The following TRNT1 variants were observed in gnomAD, a reference collection of about 807,000 sequenced individuals.
TRNT1 encodes tRNA nucleotidyl transferase 1.
Under a neutral mutation model 45.6 loss-of-function variants are expected in TRNT1, and 44 were observed. The ratio of observed to expected loss-of-function variants is 0.97; its 90% confidence interval spans 0.76 to 1.24. The LOEUF is 1.24. Ranked by LOEUF, TRNT1 falls within the 50% of genes most tolerant of loss-of-function variation. The pLI is 0.00. For missense variants in TRNT1, 633 were observed against 504.4 expected, an observed-to-expected ratio of 1.25 and a Z score of -2.44; for synonymous variants, 201 against 171.4, an observed-to-expected ratio of 1.17 and a Z score of -1.35.
At position 3,137,268 on chromosome 3, in the gene TRNT1, G is replaced by A; in HGVS notation, c.157G>A (p.Val53Ile). The change falls in exon 3 of 8, where the codon GTC becomes ATC. Residue 53 changes from valine to isoleucine, a missense_variant. Val to Ile is a conservative substitution (Grantham distance 29, BLOSUM62 3). Transcript: ENST00000251607. ...ATTTTCTCTCATCTCAGAATTATTTGTCAAAGAGAATCACGAATTAAGAAT... is the reference window on the plus strand; with the variant it reads ...ATTTTCTCTCATCTCAGAATTATTTATCAAAGAGAATCACGAATTAAGAAT... ...EGLKSLTELF[V>I]KENHELRIAG... 6.3e-6 allele frequency: 10 copies of A among 1,586,820 alleles called. No individual in the cohort carries two copies. Among genetic ancestry groups the A allele is most frequent in the Non-Finnish European group, 8.5e-6 (10 of 1,170,184 alleles).
chr3:3,131,143 C>T (rs1370224303), intron 2 of TRNT1: 1 of 151,904 alleles, frequency 6.6e-6, no homozygotes, highest in East Asian at 1.9e-4. Flanking sequence ...GTCTGGCATG[C>T]ATTTAATACA....
intron 1 of TRNT1, 146 bp from the exon 2 acceptor site, chr3:3,128,868 C>A (rs963456215): frequency 1.6e-6 from 1 of 618,930 alleles, no homozygotes; most frequent in Non-Finnish European, 2.8e-6. Flanking sequence ...TAGTCGTAAT[C>A]CCTCAAACTG....
chr3:3,144,709 A>C lies in TRNT1; in HGVS notation c.607A>C (p.Arg203=), dbSNP rs1559227711. ...EDYLRILRYF[R]FYGRIVDKPG... is the part of the protein sequence containing the mutation. ...TTATCTTAGAATTTTAAGATACTTC[A>C]GGTAAGAATTTTTAAAAATAAAAAA... Residue 203 remains arginine (R), a splice_region_variant and synonymous_variant, in exon 5 of 8, where the codon AGG becomes CGG. Coordinates refer to ENST00000251607, the MANE Select transcript of TRNT1 (RefSeq NM_182916.3). The C allele has an allele frequency of 6.5e-7, 1 of 1,528,034 alleles. No homozygotes were observed. Among genetic ancestry groups the C allele is most frequent in the Non-Finnish European group, 8.9e-7 (1 of 1,128,944 alleles). 94.7% of individuals were successfully genotyped at this position (1,528,034 alleles called of 1,614,324 possible). A position where few individuals can be genotyped will look rare whatever the true frequency, so the allele number is the denominator to read the frequency against.
At chr3:3,153,300 A>G (rs1326786355), downstream of TRNT1, 4 of 654,524 alleles carry the variant, frequency 6.1e-6, no homozygotes, top group Non-Finnish European at 8.4e-6. Flanking sequence ...CTAATTCCCT[A>G]TATTTCATTT....
chr3:3,137,226 T>C (rs1365089689), intron 2 of TRNT1, 34 bp from the exon 3 acceptor site: 5 of 1,527,842 alleles, frequency 3.3e-6, no homozygotes, highest in Non-Finnish European at 4.4e-6. Flanking sequence ...AATAAAGAAC[T>C]TGGGAATAAA....
At chr3:3,152,894 T>C (rs117672302), downstream of TRNT1, 2,287 of 412,718 alleles carry the variant, frequency 5.5e-3, 115 homozygotes, top group Admixed American at 0.075. Flanking sequence ...TCTAAAGGAG[T>C]CTGAGAGTGT....
intron 2 of TRNT1, chr3:3,129,424 C>T (rs1704857927): frequency 1.5e-5 from 7 of 454,048 alleles, no homozygotes; most frequent in East Asian, 4.2e-5. Flanking sequence ...CCAATGTGCA[C>T]GTTTTCATTG....
chr3:3,126,971 C>CGG lies in TRNT1; in HGVS notation c.-47_-46insGG. ...GAAGTGCGCGTGGCGGCGGTGGCGG[C>CGG]TGCGGCAACAGCGGGGCCGGTAAGC... On this transcript the variant is annotated 5_prime_UTR_variant, in exon 1 of 8. Transcript: ENST00000251607. 6.5e-6 allele frequency: 1 copy of CGG among 152,988 alleles called. No homozygotes were observed. Among genetic ancestry groups the CGG allele is most frequent in the Non-Finnish European group, 1.5e-5 (1 of 68,668 alleles). The allele number at this position is 152,988 out of a possible 1,614,324, so 9.5% of individuals were successfully genotyped here. A position where few individuals can be genotyped will look rare whatever the true frequency, so the allele number is the denominator to read the frequency against.
chr3:3,142,969 G>C (rs1705826), intron 4 of TRNT1, among the ~76,000 whole-genome samples: 78,652 of 152,114 alleles, frequency 0.52, 22,296 homozygotes, highest in Middle Eastern at 0.7. Context: ...TTAACAGCTT[G>C]GAAAGAGTTA....
Position 3,126,956 on chromosome 3 carries a change from T to G in TRNT1, c.-62T>G, listed in dbSNP as rs923301252. ...GCGTTCACCAGCCCGGAAGTGCGCG[T>G]GGCGGCGGTGGCGGCTGCGGCAACA... On this transcript the variant is annotated 5_prime_UTR_variant, in exon 1 of 8. Coordinates refer to ENST00000251607, the MANE Select transcript of TRNT1 (RefSeq NM_182916.3). 6.5e-6 allele frequency: 1 copy of G among 152,736 alleles called. No individual in the cohort carries two copies. Among genetic ancestry groups the G allele is most frequent in the Non-Finnish European group, 1.5e-5 (1 of 68,482 alleles). The allele number at this position is 152,736 out of a possible 1,614,324, so 9.5% of individuals were successfully genotyped here. A position where few individuals can be genotyped will look rare whatever the true frequency, so the allele number is the denominator to read the frequency against.
At chr3:3,139,079 AT>A (rs988369312) in intron 3 of TRNT1, among the ~76,000 whole-genome samples, 1 of 152,100 alleles carries the variant, frequency 6.6e-6, no homozygotes, top group African/African-American at 2.4e-5. Context: ...GGTCATGTTA[AT>A]TTTCACTTGA....
intron 2 of TRNT1, among the ~76,000 whole-genome samples, chr3:3,134,618 G>A (rs1010017039): frequency 6.6e-5 from 10 of 152,054 alleles, no homozygotes; most frequent in African/African-American, 7.2e-5. Context: ...TCAAGTGAAC[G>A]TAAAACTTGT....
intron 5 of TRNT1, 130 bp downstream of exon 5, chr3:3,144,840 C>CAGA: frequency 1.1e-6 from 1 of 883,390 alleles, no homozygotes; most frequent in Non-Finnish European, 1.6e-6. Context: ...CCAGTGGAGA[C>CAGA]CTAGCACCCT....
At chr3:3,142,696 T>G (rs917428327) in intron 4 of TRNT1, among the ~76,000 whole-genome samples, 2 of 152,202 alleles carry the variant, frequency 1.3e-5, no homozygotes, top group Non-Finnish European at 2.9e-5. Flanking sequence ...TATTTTTGCT[T>G]TGATCATATT....
intron 4 of TRNT1, among the ~76,000 whole-genome samples, chr3:3,141,845 CAG>C (rs1575057110): frequency 6.6e-6 from 1 of 152,286 alleles, no homozygotes; most frequent in Non-Finnish European, 1.5e-5. Context: ...ACAGTAATGA[CAG>C]ATACAATTTC....
chr3:3,140,582 G>C lies in TRNT1; in HGVS notation c.415G>C (p.Glu139Gln). The C allele has an allele frequency of 6.8e-6, 11 of 1,614,172 alleles. No individual in the cohort carries two copies. Among genetic ancestry groups the C allele is most frequent in the Non-Finnish European group, 9.3e-6 (11 of 1,180,018 alleles). The change falls in exon 4 of 8, where the codon GAA (glutamate) becomes CAA (glutamine). Residue 139 changes from glutamate to glutamine, a missense_variant. Transcript: ENST00000251607. ...CACTGATGGAAGACATGCTGAGGTA[G>C]AATTTACAACTGACTGGCAGAAAGA... ...VTTDGRHAEV[E>Q]FTTDWQKDAE...
chr3:3,151,072 T>G, downstream of TRNT1: 1 of 1,611,582 alleles, frequency 6.2e-7, no homozygotes, highest in Non-Finnish European at 8.5e-7. Flanking sequence ...AGATATCAGC[T>G]AAGGAAACAT....
At chr3:3,127,333 C>A (rs1704650181) in intron 1 of TRNT1, 1 of 152,242 alleles carries the variant, frequency 6.6e-6, no homozygotes, top group South Asian at 2.1e-4. Flanking sequence ...AGAGCGTTTT[C>A]CTAAGTCGAG....
Position 3,148,179 on chromosome 3 carries a change from G to A in TRNT1, c.*25G>A, listed in dbSNP as rs754465194. The A allele has an allele frequency of 4.0e-5, 64 of 1,606,118 alleles. No homozygotes were observed. In the East Asian group the frequency reaches 1.4e-3, roughly 35 times the overall value. On this transcript the variant is annotated 3_prime_UTR_variant, in exon 8 of 8. Transcript: ENST00000251607. The stretch of plus-strand genomic sequence containing the variant: ...AAACTGATGGCTACTAAAAAGCAGA[G>A]CATTTCTGGTAAGACTAAATTTTCT...
Sources: gnomAD v4.1 joint callset for allele counts (sites outside exome capture counted in the v4.1 genomes callset) on GRCh38, gnomAD v4.1.1 for gene constraint, MANE v1.5 for transcripts, NCBI Gene and HGNC (gene_info 2026-07-23, HGNC 2026-07-21) for gene names.